Variants in CNTN4 observed in about 807,000 individuals in gnomAD.
CNTN4 encodes the protein contactin 4.
Under a neutral mutation model 122.5 loss-of-function variants are expected in CNTN4, and 77 were observed. The ratio of observed to expected loss-of-function variants is 0.63; its 90% CI spans 0.52 to 0.76. The LOEUF is 0.76. Among genes scored for constraint, CNTN4 ranks in the 30% least tolerant of loss-of-function variants. CNTN4 has a pLI of 0.00. For synonymous variants in CNTN4, 512 were observed against 447.0 expected, an observed-to-expected ratio of 1.15 and a Z score of -1.83; for missense variants, 1,256 against 1,259.1, an observed-to-expected ratio of 1.00 and a Z score of 0.04.
At chr3:2,490,587 A>T (rs572543570) in intron 3 of CNTN4, among the ~76,000 whole-genome samples, 1 of 152,240 alleles carries the variant, frequency 6.6e-6, no homozygotes, top group Non-Finnish European at 1.5e-5. Context: ...GCTAATGCAG[A>T]ACTCTTTTAC....
chr3:2,606,299 A>T (rs1283390257), intron 4 of CNTN4, among the ~76,000 whole-genome samples: 1 of 152,074 alleles, frequency 6.6e-6, no homozygotes, highest in African/African-American at 2.4e-5. Flanking sequence ...TGTCTTTGAC[A>T]CAGGGAGGAG....
chr3:2,332,858 C>T (rs1251459517), intron 2 of CNTN4, among the ~76,000 whole-genome samples: 1 of 151,612 alleles, frequency 6.6e-6, no homozygotes, highest in Non-Finnish European at 1.5e-5. Context: ...TGCACATGTA[C>T]CCTAAAACTT....
At chr3:2,477,343 A>G (rs1411665126) in intron 3 of CNTN4, among the ~76,000 whole-genome samples, 1 of 152,200 alleles carries the variant, frequency 6.6e-6, no homozygotes, top group East Asian at 1.9e-4. Context: ...TTTTATGTTC[A>G]TATACTAATA....
At chr3:2,691,404 A>AGAGG (rs1436303701) in intron 4 of CNTN4, among the ~76,000 whole-genome samples, 1 of 152,116 alleles carries the variant, frequency 6.6e-6, no homozygotes, top group East Asian at 1.9e-4. Flanking sequence ...AGAAAGAGGA[A>AGAGG]GAGGAGGGTA....
At chr3:3,045,863 G>C (rs1166349496) in intron 23 of CNTN4, among the ~76,000 whole-genome samples, 3 of 152,162 alleles carry the variant, frequency 2.0e-5, no homozygotes. Flanking sequence ...CCATCCCAAA[G>C]AAGTTGAAAA....
At chr3:2,866,669 T>G in intron 7 of CNTN4, 83 bp from the exon 8 acceptor site, 1 of 1,367,552 alleles carries the variant, frequency 7.3e-7, no homozygotes, top group Non-Finnish European at 1.0e-6. Flanking sequence ...GTATACATTT[T>G]TAACCTGATC....
At position 2,541,721 on chromosome 3, in the gene CNTN4, A is replaced by C. The variant is rs970589026; in HGVS notation, c.-88-29695A>C. The stretch of plus-strand genomic sequence containing the variant: ...AAGCAAGCACAGTAGCATCTACCAG[A>C]GTATATGTCAGATTGTTCTCAGACC... On this transcript the variant is annotated intron_variant, in intron 3 of 24. Coordinates refer to ENST00000418658, the MANE Select transcript of CNTN4 (RefSeq NM_175607.3). Among the ~76,000 whole-genome samples the C allele has an allele frequency of 3.3e-5, 5 of 152,136 alleles. No homozygotes were observed. The East Asian group carries it at 5.8e-4, about 18-fold the overall frequency.
intron 2 of CNTN4, among the ~76,000 whole-genome samples, chr3:2,266,766 G>A (rs1411439490): frequency 6.6e-6 from 1 of 152,096 alleles, no homozygotes; most frequent in South Asian, 2.1e-4. Flanking sequence ...GTCTCAGAAG[G>A]ATCTCTGAAG....
chr3:2,160,907 C>G (rs1229246284), intron 2 of CNTN4, among the ~76,000 whole-genome samples: 1 of 152,026 alleles, frequency 6.6e-6, no homozygotes, highest in Non-Finnish European at 1.5e-5. Context: ...ACAGGGTGAA[C>G]AAGAAGGTAT....
intron 13 of CNTN4, among the ~76,000 whole-genome samples, chr3:2,935,549 T>C (rs371090174): frequency 1.1e-4 from 17 of 152,328 alleles, no homozygotes; most frequent in Middle Eastern, 3.4e-3. Flanking sequence ...AGAAATTCAA[T>C]TGAATGAATA....
intron 3 of CNTN4, among the ~76,000 whole-genome samples, chr3:2,497,294 A>C (rs1280986400): frequency 6.6e-6 from 1 of 152,210 alleles, no homozygotes; most frequent in African/African-American, 2.4e-5. Flanking sequence ...AATCACATAT[A>C]AAGTCCTTGG....
intron 7 of CNTN4, among the ~76,000 whole-genome samples, chr3:2,829,479 A>C (rs2093056189): frequency 6.6e-6 from 1 of 152,360 alleles, no homozygotes; most frequent in African/African-American, 2.4e-5. Context: ...AAAAGAAGCA[A>C]AAGGGAGGAA....
chr3:2,382,662 T>C (rs1575510090), intron 3 of CNTN4, among the ~76,000 whole-genome samples: 1 of 152,210 alleles, frequency 6.6e-6, no homozygotes, highest in Admixed American at 6.5e-5. Flanking sequence ...GAATGCTTCC[T>C]TTTGCTTCCA....
At chr3:2,520,258 C>CCT (rs2077161072) in intron 3 of CNTN4, among the ~76,000 whole-genome samples, 1 of 106,208 alleles carries the variant, frequency 9.4e-6, no homozygotes, top group Non-Finnish European at 1.7e-5. Context: ...GTGATTGCTT[C>CCT]CTTTTTTTTT....
intron 3 of CNTN4, among the ~76,000 whole-genome samples, chr3:2,555,933 C>T (rs1173632814): frequency 6.6e-6 from 1 of 152,088 alleles, no homozygotes; most frequent in African/African-American, 2.4e-5. Flanking sequence ...GGGAATCTGC[C>T]ATGGGTAACC....
chr3:2,294,735 G>C (rs1275946453), intron 2 of CNTN4, among the ~76,000 whole-genome samples: 1 of 152,100 alleles, frequency 6.6e-6, no homozygotes, highest in Non-Finnish European at 1.5e-5. Context: ...GTGCAGGTTT[G>C]TTACCTATGT....
At chr3:2,826,018 C>G (rs898347271) in intron 7 of CNTN4, among the ~76,000 whole-genome samples, 2 of 152,050 alleles carry the variant, frequency 1.3e-5, no homozygotes, top group African/African-American at 4.8e-5. Flanking sequence ...ATCTTTGAAT[C>G]CTCACAATAA....
At chr3:2,519,671 G>T (rs1344891992) in intron 3 of CNTN4, among the ~76,000 whole-genome samples, 3 of 152,198 alleles carry the variant, frequency 2.0e-5, no homozygotes, top group Non-Finnish European at 4.4e-5. Flanking sequence ...AAAGAACGGT[G>T]CATCAGGGTT....
At chr3:2,949,696 A>G (rs1005946869) in intron 13 of CNTN4, among the ~76,000 whole-genome samples, 1 of 152,176 alleles carries the variant, frequency 6.6e-6, no homozygotes, top group Non-Finnish European at 1.5e-5. Context: ...GTCCTTTCCA[A>G]GCCCTATTTG....
Sources: allele counts gnomAD v4.1 joint callset (sites outside exome capture counted in the v4.1 genomes callset), GRCh38; gene constraint gnomAD v4.1.1; transcripts MANE v1.5; gene names NCBI Gene and HGNC (gene_info 2026-07-23, HGNC 2026-07-21).